The following KCNQ1OT1 variants were observed in gnomAD, a reference collection of about 807,000 sequenced individuals.
KCNQ1OT1 encodes the protein KCNQ1 antisense RNA 2 (non-protein coding).
Position 2,695,546 on chromosome 11 carries a change from G to A in KCNQ1OT1, n.4449C>T. The stretch of plus-strand genomic sequence containing the variant: ...CCAGCTCCAACTGCCCACCCCTATG[G>A]GCCATGCTGCCCTGAGCATGCACAC... On this transcript the variant is annotated non_coding_transcript_exon_variant, in exon 1 of 1. Coordinates refer to ENST00000597346, the Ensembl canonical transcript of KCNQ1OT1. The surrounding 1 kb of genome is among the most constrained non-coding windows in gnomAD (Gnocchi z 5.2). 1 of 398,504 alleles carries A rather than the reference G, an allele frequency of 2.5e-6. No individual in the cohort carries two copies. Among genetic ancestry groups the A allele is most frequent in the Non-Finnish European group, 4.4e-6 (1 of 226,086 alleles). 24.7% of individuals were successfully genotyped at this position (398,504 alleles called of 1,614,324 possible).
rs752088915 is a variant in KCNQ1OT1 at position 2,647,577 on chromosome 11, G to A, written n.52418C>T. On this transcript the variant is annotated non_coding_transcript_exon_variant, in exon 1 of 1. Transcript: ENST00000597346. The surrounding 1 kb of genome is among the most constrained non-coding windows in gnomAD (Gnocchi z 4.0). Reference sequence around the variant, plus strand: ...TTGGAATTGTCTGAGAAGAATTCATGTTAGTTCTTTAAAGGTTTGGTAGAA... The same window carrying A: ...TTGGAATTGTCTGAGAAGAATTCATATTAGTTCTTTAAAGGTTTGGTAGAA... The A allele has an allele frequency of 2.5e-5, 10 of 398,424 alleles. No homozygotes were observed. Among genetic ancestry groups the A allele is most frequent in the Non-Finnish European group, 4.0e-5 (9 of 226,048 alleles). 24.7% of individuals were successfully genotyped at this position (398,424 alleles called of 1,614,324 possible).
Position 2,652,243 on chromosome 11 carries a change from T to C in KCNQ1OT1, n.47752A>G, listed in dbSNP as rs1849768828. ...TGCTGAGAATGAGGCCTGCAACTCATTTCCCCATTAAACATTCTGAGAACA... is the reference window on the plus strand; with the variant it reads ...TGCTGAGAATGAGGCCTGCAACTCACTTCCCCATTAAACATTCTGAGAACA... On this transcript the variant is annotated non_coding_transcript_exon_variant, in exon 1 of 1. Coordinates refer to ENST00000597346, the Ensembl canonical transcript of KCNQ1OT1. This position sits in a 1 kb window ranked among gnomAD's most constrained non-coding sequence, Gnocchi z 5.9. 2 of 398,516 alleles carry C rather than the reference T, an allele frequency of 5.0e-6. No homozygotes were observed. The highest frequency in any genetic ancestry group is 3.6e-5 in the East Asian group (1 of 28,086). 24.7% of individuals were successfully genotyped at this position (398,516 alleles called of 1,614,324 possible). A position where few individuals can be genotyped will look rare whatever the true frequency, so the allele number is the denominator to read the frequency against.
At position 2,661,598 on chromosome 11, in the gene KCNQ1OT1, A is replaced by G; in HGVS notation, n.38397T>C. Reference sequence around the variant, plus strand: ...GTGGTGGGAGCTGTTGTCCCTTACCAGGCCTGTGCCTGTCACCTCTGTTTT... The same window carrying G: ...GTGGTGGGAGCTGTTGTCCCTTACCGGGCCTGTGCCTGTCACCTCTGTTTT... On this transcript the variant is annotated non_coding_transcript_exon_variant, in exon 1 of 1. Transcript: ENST00000597346. This position sits in a 1 kb window ranked among gnomAD's most constrained non-coding sequence, Gnocchi z 5.9. The G allele has an allele frequency of 3.5e-6, 2 of 571,650 alleles. No individual in the cohort carries two copies. Among genetic ancestry groups the G allele is most frequent in the Non-Finnish European group, 6.2e-6 (2 of 321,420 alleles). 35.4% of individuals were successfully genotyped at this position (571,650 alleles called of 1,614,324 possible).
exon 1 of KCNQ1OT1, chr11:2,641,331 T>G (rs987756793): frequency 3.0e-5 from 12 of 398,310 alleles, no homozygotes; most frequent in Non-Finnish European, 5.3e-5. Context: ...TTTTTGTCTT[T>G]TTAAAATAGC....
At chr11:2,660,494 C>G (rs1338148084) in exon 1 of KCNQ1OT1, 1 of 398,424 alleles carries the variant, frequency 2.5e-6, no homozygotes, top group Non-Finnish European at 4.4e-6. Context: ...CTATCTATGC[C>G]TCATATAACA....
At chr11:2,684,814 G>C (rs1369786704) in exon 1 of KCNQ1OT1, 3 of 398,528 alleles carry the variant, frequency 7.5e-6, no homozygotes, top group East Asian at 7.1e-5. Context: ...TCCAAGGCTT[G>C]AGGTCTCCTA....
Position 2,623,229 on chromosome 11 carries a change from C to T in KCNQ1OT1, n.76766G>A, listed in dbSNP as rs186462998. 173 of 398,764 alleles carry T rather than the reference C, an allele frequency of 4.3e-4. No homozygotes were observed. The highest frequency in any genetic ancestry group is 7.2e-4 in the Non-Finnish European group (163 of 226,166). 24.7% of individuals were successfully genotyped at this position (398,764 alleles called of 1,614,324 possible). A position where few individuals can be genotyped will look rare whatever the true frequency, so the allele number is the denominator to read the frequency against. On this transcript the variant is annotated non_coding_transcript_exon_variant, in exon 1 of 1. Coordinates refer to ENST00000597346, the Ensembl canonical transcript of KCNQ1OT1. This position sits in a 1 kb window ranked among gnomAD's most constrained non-coding sequence, Gnocchi z 5.2. The stretch of plus-strand genomic sequence containing the variant: ...TTCTGAGGCCTGCCAGCCATGCTTA[C>T]TGTACAGCCTACAAAACTGTGAGTC...
chr11:2,685,470 C>G (rs534338375), exon 1 of KCNQ1OT1: 1 of 398,832 alleles, frequency 2.5e-6, no homozygotes, highest in Non-Finnish European at 4.4e-6. Flanking sequence ...AGTGCAACTC[C>G]CATCTCACAG....
rs1850009633 is a variant in KCNQ1OT1, at chr11:2,663,626, G to C, written n.36369C>G. 1 of 398,566 alleles carries C rather than the reference G, an allele frequency of 2.5e-6. No individual in the cohort carries two copies. Among genetic ancestry groups the C allele is most frequent in the Admixed American group, 4.4e-5 (1 of 22,724 alleles). The allele number at this position is 398,566 out of a possible 1,614,324, so 24.7% of individuals were successfully genotyped here. A position where few individuals can be genotyped will look rare whatever the true frequency, so the allele number is the denominator to read the frequency against. On this transcript the variant is annotated non_coding_transcript_exon_variant, in exon 1 of 1. Coordinates refer to ENST00000597346, the Ensembl canonical transcript of KCNQ1OT1. This position sits in a 1 kb window ranked among gnomAD's most constrained non-coding sequence, Gnocchi z 5.2. ...TCTCTTGGTCACGGACCAGCATCCAGACATGCAAAAAGTCCTACTGGGAGG... is the reference window on the plus strand; with the variant it reads ...TCTCTTGGTCACGGACCAGCATCCACACATGCAAAAAGTCCTACTGGGAGG...
chr11:2,639,222 T>A (rs1319215618), exon 1 of KCNQ1OT1: 1 of 152,232 alleles, frequency 6.6e-6, no homozygotes, highest in Admixed American at 6.5e-5. Flanking sequence ...CTTGTCAAAG[T>A]CATTCTCCGT....
At position 2,650,660 on chromosome 11, in the gene KCNQ1OT1, A is replaced by G. The variant is rs958283003; in HGVS notation, n.49335T>C. 3 of 398,518 alleles carry G rather than the reference A, an allele frequency of 7.5e-6. No homozygotes were observed. The Admixed American group carries it at 1.3e-4, about 18-fold the overall frequency. The allele number at this position is 398,518 out of a possible 1,614,324, so 24.7% of individuals were successfully genotyped here. On this transcript the variant is annotated non_coding_transcript_exon_variant, in exon 1 of 1. Coordinates refer to ENST00000597346, the Ensembl canonical transcript of KCNQ1OT1. ...CTAACTACCTTCAAACTTTTTGACAAAGCATTTTAAGCCTCTTCTCTGATT... is the reference window on the plus strand; with the variant it reads ...CTAACTACCTTCAAACTTTTTGACAGAGCATTTTAAGCCTCTTCTCTGATT...
At chr11:2,619,432 T>C (rs1409732363) in exon 1 of KCNQ1OT1, 1 of 398,498 alleles carries the variant, frequency 2.5e-6, no homozygotes, top group Non-Finnish European at 4.4e-6. Flanking sequence ...GAGATGATCA[T>C]GTGGTTTTCA....
Position 2,612,674 on chromosome 11 carries a change from G to A in KCNQ1OT1, n.87321C>T. 2.5e-6 allele frequency: 1 copy of A among 398,284 alleles called. No individual in the cohort carries two copies. Among genetic ancestry groups the A allele is most frequent in the Non-Finnish European group, 4.4e-6 (1 of 226,008 alleles). 24.7% of individuals were successfully genotyped at this position (398,284 alleles called of 1,614,324 possible). A position where few individuals can be genotyped will look rare whatever the true frequency, so the allele number is the denominator to read the frequency against. On this transcript the variant is annotated non_coding_transcript_exon_variant, in exon 1 of 1. Transcript: ENST00000597346. The surrounding 1 kb of genome is among the most constrained non-coding windows in gnomAD (Gnocchi z 5.5). ...GCATTCTTTAATGTGGTTTCTTTTG[G>A]TTCTTTGAACATAGTTATAATACTT...
chr11:2,610,709 T>C, exon 1 of KCNQ1OT1: 2 of 391,550 alleles, frequency 5.1e-6, no homozygotes, highest in South Asian at 1.3e-4. Context: ...ACAGTATTCT[T>C]GGTTGGCTTT....
At position 2,661,597 on chromosome 11, in the gene KCNQ1OT1, C is replaced by G; in HGVS notation, n.38398G>C. 1 of 569,602 alleles carries G rather than the reference C, an allele frequency of 1.8e-6. No homozygotes were observed. Among genetic ancestry groups the G allele is most frequent in the East Asian group, 2.8e-5 (1 of 35,742 alleles). 35.3% of individuals were successfully genotyped at this position (569,602 alleles called of 1,614,324 possible). On this transcript the variant is annotated non_coding_transcript_exon_variant, in exon 1 of 1. Coordinates refer to ENST00000597346, the Ensembl canonical transcript of KCNQ1OT1. The surrounding 1 kb of genome is among the most constrained non-coding windows in gnomAD (Gnocchi z 5.9). ...GGTGGTGGGAGCTGTTGTCCCTTACCAGGCCTGTGCCTGTCACCTCTGTTT... is the reference window on the plus strand; with the variant it reads ...GGTGGTGGGAGCTGTTGTCCCTTACGAGGCCTGTGCCTGTCACCTCTGTTT...
rs559529165 is a variant in KCNQ1OT1 at position 2,623,444 on chromosome 11, C to G, written n.76551G>C. 1 of 398,596 alleles carries G rather than the reference C, an allele frequency of 2.5e-6. No homozygotes were observed. The highest frequency in any genetic ancestry group is 3.6e-5 in the East Asian group (1 of 28,076). The allele number at this position is 398,596 out of a possible 1,614,324, so 24.7% of individuals were successfully genotyped here. Reference sequence around the variant, plus strand: ...TATTCAACCCTTCTTCCCCAACAACCCTTGGCAACCACTGAACTTTTTACT... The same window carrying G: ...TATTCAACCCTTCTTCCCCAACAACGCTTGGCAACCACTGAACTTTTTACT... On this transcript the variant is annotated non_coding_transcript_exon_variant, in exon 1 of 1. Coordinates refer to ENST00000597346, the Ensembl canonical transcript of KCNQ1OT1. The surrounding 1 kb of genome is among the most constrained non-coding windows in gnomAD (Gnocchi z 5.2).
In KCNQ1OT1 at chr11:2,617,728, C is replaced by T. The variant is rs895113884; in HGVS notation, n.82267G>A. 5.0e-6 allele frequency: 2 copies of T among 398,352 alleles called. No individual in the cohort carries two copies. The highest frequency in any genetic ancestry group is 4.4e-6 in the Non-Finnish European group (1 of 225,978). 24.7% of individuals were successfully genotyped at this position (398,352 alleles called of 1,614,324 possible). On this transcript the variant is annotated non_coding_transcript_exon_variant, in exon 1 of 1. Transcript: ENST00000597346. This position sits in a 1 kb window ranked among gnomAD's most constrained non-coding sequence, Gnocchi z 4.6. ...CTAGCCAACACTTAATAGCTATTCT[C>T]ATGAGTGTGAGGTGATATCGCATAG...
At chr11:2,636,737 T>G (rs1408942511) in exon 1 of KCNQ1OT1, 1 of 152,368 alleles carries the variant, frequency 6.6e-6, no homozygotes, top group Admixed American at 6.5e-5. Flanking sequence ...TTTCTATTGT[T>G]TGGAATAGTT....
chr11:2,630,425 T>A (rs1849334355), exon 1 of KCNQ1OT1: 7 of 398,272 alleles, frequency 1.8e-5, no homozygotes, highest in Non-Finnish European at 3.1e-5. Context: ...GCTAGCCTTG[T>A]AAAATAAGTT....
Sources: gnomAD v4.1 joint callset for allele counts on GRCh38, gnomAD v4.1.1 for gene constraint, Gnocchi (gnomAD v3.1) non-coding constraint, MANE v1.5 for transcripts, NCBI Gene and HGNC (gene_info 2026-07-23, HGNC 2026-07-21) for gene names.